DCDC2: variants seen among roughly 807,000 people sequenced by gnomAD.
The protein encoded by DCDC2 is doublecortin domain containing 2.
DCDC2 carries 40 observed loss-of-function variants against 50.2 expected under a neutral mutation model. The ratio of observed to expected loss-of-function variants is 0.80; its 90% CI spans 0.62 to 1.04. The LOEUF is 1.04. Ranked by LOEUF, DCDC2 falls within the 50% of genes least tolerant of loss-of-function variation. The probability of loss-of-function intolerance (pLI) is 0.00; values close to 1 mark genes in which losing one functional copy is unlikely to be tolerated. For missense variants in DCDC2, 570 were observed against 581.9 expected (o/e 0.98, Z 0.21); for synonymous variants, 234 against 210.6 (o/e 1.11, Z -0.96).
chr6:24,358,901 T>TATATTAC (rs1760555251), upstream of DCDC2, among the ~76,000 whole-genome samples: 2 of 22,378 alleles, frequency 8.9e-5, no homozygotes, highest in Non-Finnish European at 6.5e-5. Context: ...ATATATATAA[T>TATATTAC]ATATTATATA....
At chr6:24,190,884 G>C (rs1204521645) in intron 8 of DCDC2, among the ~76,000 whole-genome samples, 2 of 152,198 alleles carry the variant, frequency 1.3e-5, no homozygotes, top group Non-Finnish European at 2.9e-5. Context: ...TGAAGGTTGA[G>C]TGGCCCTCAG....
chr6:24,319,761 T>C (rs1759738114), intron 2 of DCDC2, among the ~76,000 whole-genome samples: 1 of 152,132 alleles, frequency 6.6e-6, no homozygotes, highest in African/African-American at 2.4e-5. Flanking sequence ...GGAGAGTGGT[T>C]TCCTACAGAG....
At chr6:24,335,872 C>CA (rs1156825020) in intron 2 of DCDC2, among the ~76,000 whole-genome samples, 23 of 152,158 alleles carry the variant, frequency 1.5e-4, no homozygotes, top group Admixed American at 3.3e-4. Flanking sequence ...CAATCACCTC[C>CA]TACCTGGTCC....
chr6:24,289,987 T>TGAGA (rs1763706728), intron 5 of DCDC2, among the ~76,000 whole-genome samples: 1 of 72,006 alleles, frequency 1.4e-5, no homozygotes, highest in African/African-American at 5.9e-5. Context: ...TTTTTTTTTT[T>TGAGA]TTTTTTTTTT....
intron 2 of DCDC2, among the ~76,000 whole-genome samples, chr6:24,333,192 C>A (rs985282582): frequency 6.6e-6 from 1 of 152,134 alleles, no homozygotes; most frequent in South Asian, 2.1e-4. Context: ...AGAAGAAAGG[C>A]CAGAAGTCAT....
Position 24,174,719 on chromosome 6 carries a change from T to G in DCDC2, c.*11A>C. 1 of 1,589,560 alleles carries G rather than the reference T, an allele frequency of 6.3e-7. No individual in the cohort carries two copies. Among genetic ancestry groups the G allele is most frequent in the Non-Finnish European group, 8.6e-7 (1 of 1,158,294 alleles). On this transcript the variant is annotated 3_prime_UTR_variant, in exon 10 of 10. Coordinates refer to ENST00000378454, the MANE Select transcript of DCDC2 (RefSeq NM_016356.5). ...TTCTTGCGATCCATATACTCTCTTT[T>G]TAAAAATGTTCTAAGCCACGGCAGC... is the stretch of plus-strand genomic sequence containing the variant.
At chr6:24,350,431 G>A (rs1463837673) in intron 2 of DCDC2, among the ~76,000 whole-genome samples, 1 of 152,120 alleles carries the variant, frequency 6.6e-6, no homozygotes, top group African/African-American at 2.4e-5. Context: ...GAAATGCAAA[G>A]GTCTTTCCGT....
chr6:24,224,793 T>A (rs911264198), intron 7 of DCDC2, among the ~76,000 whole-genome samples: 11 of 152,134 alleles, frequency 7.2e-5, no homozygotes, highest in Non-Finnish European at 1.6e-4. Context: ...TCTGCCTCTA[T>A]CATAGGTAGC....
chr6:24,335,793 A>C (rs1214233028), intron 2 of DCDC2, among the ~76,000 whole-genome samples: 9 of 152,112 alleles, frequency 5.9e-5, no homozygotes, highest in African/African-American at 2.2e-4. Flanking sequence ...TGCCTTACAA[A>C]ACCATTAGAT....
chr6:24,262,023 T>C (rs1186121718), intron 7 of DCDC2, among the ~76,000 whole-genome samples: 1 of 150,522 alleles, frequency 6.6e-6, no homozygotes, highest in Non-Finnish European at 1.5e-5. Context: ...AAAAAACAAA[T>C]ATCAGGTAAG....
chr6:24,315,810 T>C (rs1759650171), intron 2 of DCDC2, among the ~76,000 whole-genome samples: 1 of 152,032 alleles, frequency 6.6e-6, no homozygotes, highest in Non-Finnish European at 1.5e-5. Flanking sequence ...CAGATTTTTA[T>C]AAACATCACC....
At chr6:24,296,076 T>C (rs1759227287) in intron 4 of DCDC2, among the ~76,000 whole-genome samples, 1 of 152,220 alleles carries the variant, frequency 6.6e-6, no homozygotes, top group African/African-American at 2.4e-5. Flanking sequence ...CTTCAAACTA[T>C]GTTACATGGA....
intron 7 of DCDC2, among the ~76,000 whole-genome samples, chr6:24,253,809 A>C (rs1762840576): frequency 6.6e-6 from 1 of 152,184 alleles, no homozygotes; most frequent in South Asian, 2.1e-4. Flanking sequence ...GTGAAGGTGA[A>C]GTCCTAGGAC....
the DCDC2 span, among the ~76,000 whole-genome samples, chr6:24,371,004 T>C: frequency 6.6e-6 from 1 of 151,590 alleles, no homozygotes; most frequent in Admixed American, 6.6e-5. Context: ...TGAGGATATA[T>C]AAAGAACACG....
At chr6:24,262,566 C>T (rs531944946) in intron 7 of DCDC2, among the ~76,000 whole-genome samples, 1 of 152,308 alleles carries the variant, frequency 6.6e-6, no homozygotes, top group East Asian at 1.9e-4. Flanking sequence ...TCCCCCAACC[C>T]CAAGCAGTAC....
chr6:24,263,251 A>T (rs1581619045), intron 7 of DCDC2, among the ~76,000 whole-genome samples: 1 of 152,228 alleles, frequency 6.6e-6, no homozygotes, highest in African/African-American at 2.4e-5. Flanking sequence ...AATACCTAGA[A>T]AGCCTTCTCA....
chr6:24,234,465 G>A (rs1196247996), intron 7 of DCDC2, among the ~76,000 whole-genome samples: 2 of 152,156 alleles, frequency 1.3e-5, no homozygotes, highest in African/African-American at 4.8e-5. Context: ...CGTTGGGAAC[G>A]AGTGCAGAAC....
chr6:24,278,696 CA>C (rs1194460911), intron 6 of DCDC2, among the ~76,000 whole-genome samples: 1 of 152,204 alleles, frequency 6.6e-6, no homozygotes, highest in East Asian at 1.9e-4. Flanking sequence ...TCTGCAGAAC[CA>C]GCCAGTGTCT....
intron 1 of DCDC2, among the ~76,000 whole-genome samples, chr6:24,356,497 C>T (rs1366814415): frequency 6.6e-6 from 1 of 152,014 alleles, no homozygotes; most frequent in Non-Finnish European, 1.5e-5. Flanking sequence ...ACTCTGAATA[C>T]ACTGAAAGCC....
Sources: gnomAD v4.1 joint callset for allele counts (sites outside exome capture counted in the v4.1 genomes callset) on GRCh38, gnomAD v4.1.1 for gene constraint, MANE v1.5 for transcripts, NCBI Gene and HGNC (gene_info 2026-07-23, HGNC 2026-07-21) for gene names.